CRPPA: variants seen among roughly 807,000 people sequenced by gnomAD.
CRPPA encodes the protein D-ribitol-5-phosphate cytidylyltransferase.
CRPPA carries 43 observed loss-of-function variants against 52.0 expected under a neutral mutation model. The observed-to-expected ratio is 0.83, with a 90% confidence interval of 0.65 to 1.07. The LOEUF (loss-of-function observed/expected upper bound fraction) is 1.07, where lower values mean the gene tolerates loss of function less well. Among genes scored for constraint, CRPPA ranks in the 50% least tolerant of loss-of-function variants. The pLI is 0.00. For missense variants in CRPPA, 629 were observed against 551.7 expected, an observed-to-expected ratio of 1.14 and a Z score of -1.40; for synonymous variants, 250 against 203.5, an observed-to-expected ratio of 1.23 and a Z score of -1.94.
intron 9 of CRPPA, among the ~76,000 whole-genome samples, chr7:16,189,969 A>T (rs1781575496): frequency 6.6e-6 from 1 of 152,160 alleles, no homozygotes; most frequent in Admixed American, 6.6e-5. Context: ...CAGCTCTAAA[A>T]AATCCAATAT....
At chr7:16,184,200 C>G (rs1264583413) in intron 9 of CRPPA, among the ~76,000 whole-genome samples, 1 of 152,038 alleles carries the variant, frequency 6.6e-6, no homozygotes, top group Non-Finnish European at 1.5e-5. Context: ...CTTGGCCTCT[C>G]AAAGTGCTGG....
intron 8 of CRPPA, among the ~76,000 whole-genome samples, chr7:16,257,257 G>A (rs1268693381): frequency 2.0e-5 from 3 of 152,012 alleles, no homozygotes; most frequent in Admixed American, 6.6e-5. Flanking sequence ...ACCATATCTG[G>A]GAACACGGAA....
At chr7:16,334,750 G>A (rs945172861) in intron 3 of CRPPA, among the ~76,000 whole-genome samples, 8 of 152,070 alleles carry the variant, frequency 5.3e-5, no homozygotes, top group Admixed American at 1.3e-4. Context: ...GGAAGCAACC[G>A]AGCCCAATTA....
intron 3 of CRPPA, among the ~76,000 whole-genome samples, chr7:16,309,050 G>A (rs949841354): frequency 3.3e-5 from 5 of 152,104 alleles, no homozygotes; most frequent in African/African-American, 1.2e-4. Context: ...TTTATATCAG[G>A]ACATTTGCAG....
intron 1 of CRPPA, among the ~76,000 whole-genome samples, chr7:16,406,952 T>C (rs987554932): frequency 2.6e-5 from 4 of 152,190 alleles, no homozygotes; most frequent in African/African-American, 9.7e-5. Context: ...TATTGAGTCA[T>C]ATACAAAGCA....
intron 9 of CRPPA, among the ~76,000 whole-genome samples, chr7:16,190,300 A>G (rs1204830178): frequency 6.6e-6 from 1 of 152,190 alleles, no homozygotes; most frequent in African/African-American, 2.4e-5. Flanking sequence ...CTTTTAATAG[A>G]AGACAGTTAA....
chr7:16,112,043 C>T (rs1583363602), intron 9 of CRPPA, among the ~76,000 whole-genome samples: 1 of 151,932 alleles, frequency 6.6e-6, no homozygotes. Flanking sequence ...TAAAAATTGC[C>T]GTGGCTGATG....
chr7:16,154,983 T>C (rs1217402960), intron 9 of CRPPA, among the ~76,000 whole-genome samples: 2 of 150,930 alleles, frequency 1.3e-5, no homozygotes, highest in East Asian at 2.0e-4. Flanking sequence ...CTTTTTTTTT[T>C]TTTTTTTGGA....
intron 1 of CRPPA, among the ~76,000 whole-genome samples, chr7:16,415,071 C>T (rs1476406308): frequency 6.6e-6 from 1 of 152,190 alleles, no homozygotes; most frequent in Non-Finnish European, 1.5e-5. Context: ...CTTTAGCCAA[C>T]ATGCCTCAGA....
At chr7:16,181,161 G>C (rs974428455) in intron 9 of CRPPA, among the ~76,000 whole-genome samples, 2 of 151,520 alleles carry the variant, frequency 1.3e-5, no homozygotes, top group Non-Finnish European at 3.0e-5. Context: ...TGAAAATTTT[G>C]AAAACACAAC....
rs201462262 is a variant in CRPPA at position 16,120,296 on chromosome 7, T to C, written c.1252-28497A>G. On this transcript the variant is annotated intron_variant, in intron 9 of 9. Transcript: ENST00000407010. ...CTCCACCCTCAATGTCTTATCAACC[T>C]CAATATCTGATCAAATTTCTCATCC... Among the ~76,000 whole-genome samples the C allele has an allele frequency of 7.9e-5, 12 of 152,288 alleles. No homozygotes were observed. In the East Asian group the frequency reaches 1.7e-3, roughly 22 times the overall value.
At chr7:16,195,047 A>T (rs1401276174) in intron 9 of CRPPA, among the ~76,000 whole-genome samples, 2 of 152,000 alleles carry the variant, frequency 1.3e-5, no homozygotes, top group Non-Finnish European at 2.9e-5. Flanking sequence ...TAATTTTTTT[A>T]AAAGCATGAA....
At chr7:16,240,254 T>C (rs979298111) in intron 8 of CRPPA, among the ~76,000 whole-genome samples, 1 of 151,016 alleles carries the variant, frequency 6.6e-6, no homozygotes, top group Admixed American at 6.7e-5. Flanking sequence ...TTAACCAGTA[T>C]TTATTTAGGT....
intron 9 of CRPPA, among the ~76,000 whole-genome samples, chr7:16,170,838 T>C (rs544125379): frequency 2.0e-5 from 3 of 152,278 alleles, no homozygotes; most frequent in African/African-American, 7.2e-5. Context: ...AAGCCCCTCA[T>C]TGCGCAGCGC....
At chr7:16,183,539 C>T (rs888533683) in intron 9 of CRPPA, among the ~76,000 whole-genome samples, 8 of 152,254 alleles carry the variant, frequency 5.3e-5, no homozygotes, top group East Asian at 1.9e-4. Context: ...ATTCAGGAAG[C>T]TTCTAGTATG....
At chr7:16,332,648 C>G (rs1331399384) in intron 3 of CRPPA, among the ~76,000 whole-genome samples, 1 of 151,796 alleles carries the variant, frequency 6.6e-6, no homozygotes, top group Non-Finnish European at 1.5e-5. Context: ...TGGGGGAAAG[C>G]TATTACTGAG....
intron 2 of CRPPA, among the ~76,000 whole-genome samples, chr7:16,400,538 GAC>G (rs1302221433): frequency 2.0e-5 from 3 of 152,136 alleles, no homozygotes; most frequent in Non-Finnish European, 4.4e-5. Flanking sequence ...TGACACTACT[GAC>G]ACGTCGACAC....
intron 9 of CRPPA, among the ~76,000 whole-genome samples, chr7:16,173,952 T>C (rs571789013): frequency 1.3e-5 from 2 of 152,264 alleles, no homozygotes; most frequent in Non-Finnish European, 2.9e-5. Flanking sequence ...AAAACTGAAT[T>C]CTTACCTAAA....
intron 8 of CRPPA, among the ~76,000 whole-genome samples, chr7:16,245,826 T>C (rs1394495511): frequency 1.3e-5 from 2 of 152,150 alleles, no homozygotes; most frequent in Non-Finnish European, 2.9e-5. Context: ...ACGTGCACAA[T>C]AGCATTATGA....
Sources: allele counts gnomAD v4.1 joint callset (sites outside exome capture counted in the v4.1 genomes callset), GRCh38; gene constraint gnomAD v4.1.1; transcripts MANE v1.5; gene names NCBI Gene and HGNC (gene_info 2026-07-23, HGNC 2026-07-21).